The following ACTN4 variants were observed in gnomAD, a reference collection of about 807,000 sequenced individuals.
ACTN4 encodes the protein alpha-actinin-4.
ACTN4 carries 18 observed loss-of-function variants against 114.2 expected under a neutral mutation model. That is an observed-to-expected ratio of 0.16 (90% CI 0.11 to 0.23). The LOEUF (loss-of-function observed/expected upper bound fraction) is 0.23. Among genes scored for constraint, ACTN4 ranks in the 10% least tolerant of loss-of-function variants. The pLI is 1.00. For synonymous variants in ACTN4, 515 were observed against 506.3 expected, an observed-to-expected ratio of 1.02 and a Z score of -0.23; for missense variants, 722 against 1,262.9, an observed-to-expected ratio of 0.57 and a Z score of 6.49.
rs183890488 is a variant in ACTN4 at position 38,694,704 on chromosome 19, A to G, written c.163-5896A>G. ...TGTGTGACATTAAGCAAGTCACTGA[A>G]CCTCTCCCTGCCTCAGTTTCCTCAT... On this transcript the variant is annotated intron_variant, in intron 1 of 20. Coordinates refer to ENST00000252699, the MANE Select transcript of ACTN4 (RefSeq NM_004924.6). 6.1e-5 allele frequency among the ~76,000 whole-genome samples: 9 copies of G among 146,468 alleles called. No homozygotes were observed. The East Asian group carries it at 1.8e-3, about 30-fold the overall frequency.
chr19:38,662,909 GTT>G (rs377341870), intron 1 of ACTN4, among the ~76,000 whole-genome samples: 3 of 142,200 alleles, frequency 2.1e-5, no homozygotes, highest in African/African-American at 2.6e-5. Context: ...AAGTGGGTCT[GTT>G]TTTTTTTTTT....
intron 1 of ACTN4, among the ~76,000 whole-genome samples, chr19:38,655,212 A>G (rs73933039): frequency 0.028 from 4,315 of 152,322 alleles, 201 homozygotes; most frequent in African/African-American, 0.097. Context: ...TCCCCTGGCC[A>G]TAAATATAAT....
intron 1 of ACTN4, among the ~76,000 whole-genome samples, chr19:38,667,832 T>C (rs1173103679): frequency 6.6e-6 from 1 of 152,220 alleles, no homozygotes; most frequent in Non-Finnish European, 1.5e-5. Flanking sequence ...ACAAGGTTTG[T>C]ATCTTGTCAT....
intron 1 of ACTN4, among the ~76,000 whole-genome samples, chr19:38,665,272 C>T (rs766149675): frequency 3.9e-5 from 6 of 152,196 alleles, no homozygotes; most frequent in South Asian, 2.1e-4. Context: ...CCTCCACCAC[C>T]GGCTGGCTGT....
chr19:38,653,372 G>A (rs1976624761), intron 1 of ACTN4, among the ~76,000 whole-genome samples: 1 of 151,754 alleles, frequency 6.6e-6, no homozygotes, highest in Non-Finnish European at 1.5e-5. Flanking sequence ...TGTTGTGCTG[G>A]GAATTGTACA....
intron 11 of ACTN4, among the ~76,000 whole-genome samples, chr19:38,720,682 G>A (rs1459082964): frequency 1.3e-5 from 2 of 152,254 alleles, no homozygotes; most frequent in African/African-American, 2.4e-5. Flanking sequence ...TGCCACACAG[G>A]TACTGGGGCT....
At chr19:38,667,205 C>G (rs190771806) in intron 1 of ACTN4, among the ~76,000 whole-genome samples, 321 of 152,270 alleles carry the variant, frequency 2.1e-3, no homozygotes, top group African/African-American at 7.4e-3. Context: ...AGAGCCTTTA[C>G]AGGAAATTGA....
At chr19:38,697,534 C>T (rs1200119482) in intron 1 of ACTN4, among the ~76,000 whole-genome samples, 1 of 152,262 alleles carries the variant, frequency 6.6e-6, no homozygotes, top group African/African-American at 2.4e-5. Context: ...GGTAAAGTCA[C>T]TTGGTTGAAA....
At chr19:38,676,464 G>A (rs1262616464) in intron 1 of ACTN4, among the ~76,000 whole-genome samples, 1 of 152,230 alleles carries the variant, frequency 6.6e-6, no homozygotes, top group Non-Finnish European at 1.5e-5. Context: ...TTGTATAGCA[G>A]TGTCCTGCGA....
intron 1 of ACTN4, among the ~76,000 whole-genome samples, chr19:38,665,605 G>A (rs1053632743): frequency 4.6e-5 from 7 of 152,090 alleles, no homozygotes; most frequent in African/African-American, 4.8e-5. Context: ...CAGCAACTTC[G>A]AAGAAGTGCC....
In ACTN4 at chr19:38,657,480, T is replaced by C. The variant is rs190874815; in HGVS notation, c.162+9573T>C. ...TTTTTGTAAAGACTGGGTCTCACTA[T>C]GTTGCCCAGGCTTTTAATCTGCAAA... On this transcript the variant is annotated intron_variant, in intron 1 of 20. Transcript: ENST00000252699. Among the ~76,000 whole-genome samples the C allele has an allele frequency of 1.2e-3, 188 of 152,320 alleles. 1 individual carries two copies. The highest frequency in any genetic ancestry group is 3.0e-3 in the Admixed American group (46 of 15,300).
chr19:38,716,556 A>C (rs1310379557), intron 9 of ACTN4, among the ~76,000 whole-genome samples: 1 of 152,236 alleles, frequency 6.6e-6, no homozygotes, highest in African/African-American at 2.4e-5. Context: ...GGCATGGGCC[A>C]GGCATGGTGG....
intron 2 of ACTN4, 56 bp downstream of exon 2, chr19:38,700,770 G>A: frequency 6.6e-7 from 1 of 1,525,384 alleles, no homozygotes; most frequent in Non-Finnish European, 9.0e-7. Context: ...CTCTGCCACA[G>A]CGGTCCCCAG....
At chr19:38,686,240 A>G (rs1467620145) in intron 1 of ACTN4, among the ~76,000 whole-genome samples, 2 of 152,196 alleles carry the variant, frequency 1.3e-5, no homozygotes, top group Admixed American at 6.5e-5. Flanking sequence ...TGTCCAGACT[A>G]AAACGTTAAT....
chr19:38,687,144 TTAG>T (rs888858492), intron 1 of ACTN4, among the ~76,000 whole-genome samples: 6 of 152,012 alleles, frequency 3.9e-5, no homozygotes, highest in African/African-American at 1.4e-4. Flanking sequence ...TTCTGTATTA[TTAG>T]TAGAGACGGC....
chr19:38,711,014 A>G (rs1968629785), intron 8 of ACTN4: 1 of 158,274 alleles, frequency 6.3e-6, no homozygotes, highest in Non-Finnish European at 1.4e-5. Context: ...TCATTTAGCA[A>G]CTGACTCCTC....
At chr19:38,688,001 G>GA (rs1423059118) in intron 1 of ACTN4, among the ~76,000 whole-genome samples, 4 of 137,636 alleles carry the variant, frequency 2.9e-5, no homozygotes, top group African/African-American at 1.0e-4. Flanking sequence ...ATAAGCACAT[G>GA]AAAAGGTGTT....
At chr19:38,697,751 T>C (rs1478161758) in intron 1 of ACTN4, among the ~76,000 whole-genome samples, 1 of 152,182 alleles carries the variant, frequency 6.6e-6, no homozygotes, top group African/African-American at 2.4e-5. Context: ...ACAGCCCTCT[T>C]TTGTCCTCAG....
intron 1 of ACTN4, among the ~76,000 whole-genome samples, chr19:38,677,169 AC>A (rs1275299500): frequency 6.6e-6 from 1 of 151,598 alleles, no homozygotes; most frequent in East Asian, 1.9e-4. Context: ...CGCACCTGAC[AC>A]CTCCAGCCTA....
Sources: gnomAD v4.1 joint callset for allele counts (sites outside exome capture counted in the v4.1 genomes callset) on GRCh38, gnomAD v4.1.1 for gene constraint, MANE v1.5 for transcripts, NCBI Gene and HGNC (gene_info 2026-07-23, HGNC 2026-07-21) for gene names.